The following COL4A4 variants were observed in gnomAD, a reference collection of about 807,000 sequenced individuals.
COL4A4 encodes the protein collagen type IV alpha 4 chain.
In COL4A4, 105 loss-of-function variants were observed where a neutral mutation model predicts 192.9. That is an observed-to-expected ratio of 0.54 (90% CI 0.46 to 0.64). The LOEUF is 0.64. Ranked by LOEUF, COL4A4 falls within the 30% of genes least tolerant of loss-of-function variation. COL4A4 has a pLI of 0.00. For missense variants in COL4A4, 1,967 were observed against 2,169.3 expected, an observed-to-expected ratio of 0.91 and a Z score of 1.85; for synonymous variants, 762 against 769.9, an observed-to-expected ratio of 0.99 and a Z score of 0.17.
chr2:227,129,224 G>C (rs1377731756), intron 4 of COL4A4, among the ~76,000 whole-genome samples: 1 of 152,084 alleles, frequency 6.6e-6, no homozygotes, highest in Non-Finnish European at 1.5e-5. Flanking sequence ...ACCTGAGGCT[G>C]TTCAGTTCTG....
intron 34 of COL4A4, among the ~76,000 whole-genome samples, chr2:227,047,882 C>T (rs932881638): frequency 8.5e-5 from 13 of 152,116 alleles, no homozygotes; most frequent in African/African-American, 3.1e-4. Flanking sequence ...CATTGAGTGG[C>T]TATATCCTTA....
intron 44 of COL4A4, among the ~76,000 whole-genome samples, chr2:227,020,880 C>CTTTTTTGT (rs1553619615): frequency 1.6e-5 from 2 of 127,598 alleles, no homozygotes; most frequent in Non-Finnish European, 3.2e-5. Context: ...ACACTTTTTT[C>CTTTTTTGT]TTTTTTTTTT....
intron 43 of COL4A4, among the ~76,000 whole-genome samples, chr2:227,024,960 C>G (rs985630918): frequency 1.3e-5 from 2 of 152,186 alleles, no homozygotes; most frequent in African/African-American, 4.8e-5. Flanking sequence ...CATACAATCA[C>G]AGAGAGACAG....
the COL4A4 span, among the ~76,000 whole-genome samples, chr2:226,973,064 C>A: frequency 2.4e-4 from 36 of 152,244 alleles, no homozygotes; most frequent in African/African-American, 8.7e-4. Context: ...TGGGTTGTGC[C>A]CTGTGGCTGC....
intron 31 of COL4A4, among the ~76,000 whole-genome samples, chr2:227,053,964 T>C (rs56260773): frequency 0.015 from 2,274 of 152,278 alleles, 65 homozygotes; most frequent in African/African-American, 0.052. Context: ...TCCTTCCTGC[T>C]GCCAGTTTCT....
At chr2:227,050,811 T>G (rs1183016542) in intron 33 of COL4A4, among the ~76,000 whole-genome samples, 166 bp downstream of exon 33, 1 of 152,228 alleles carries the variant, frequency 6.6e-6, no homozygotes, top group African/African-American at 2.4e-5. Flanking sequence ...GTCAGTTTCA[T>G]CGTGGCCTTC....
In COL4A4 at chr2:227,030,451, C is replaced by T; in HGVS notation, c.3965G>A (p.Gly1322Asp). Residue 1322 changes from glycine to aspartate, a missense_variant, in exon 41 of 48, where the codon GGC (glycine) becomes GAC (aspartate). By Grantham distance (94) the Gly-to-Asp change is moderately conservative (BLOSUM62 -1). Coordinates refer to ENST00000396625, the MANE Select transcript of COL4A4 (RefSeq NM_000092.5). ...CGGAACAACATTCATACCTTTCTGGCCATCTTTTCCATCACATCCTGGAAA... is the reference window on the plus strand; with the variant it reads ...CGGAACAACATTCATACCTTTCTGGTCATCTTTTCCATCACATCCTGGAAA... ...KGFPGCDGKDGQKGPVGFPGP... is the reference protein window; with the variant it reads ...KGFPGCDGKDDQKGPVGFPGP... The T allele has an allele frequency of 1.2e-6, 2 of 1,614,136 alleles. No individual in the cohort carries two copies. The highest frequency in any genetic ancestry group is 3.3e-5 in the Admixed American group (2 of 60,010).
In COL4A4 at chr2:227,050,151, A is replaced by C. The variant is rs1040912115; in HGVS notation, c.3151-20T>G. On this transcript the variant is annotated intron_variant, in intron 33 of 47. Coordinates refer to ENST00000396625, the MANE Select transcript of COL4A4 (RefSeq NM_000092.5). Reference sequence around the variant, plus strand: ...CTCACCCTGACAGTTTAATGAAACAAAAGGCCTTAATCAGATTTCAAATAC... The same window carrying C: ...CTCACCCTGACAGTTTAATGAAACACAAGGCCTTAATCAGATTTCAAATAC... 1.9e-6 allele frequency: 3 copies of C among 1,608,144 alleles called. 1 individual carries two copies. In the African/African-American group the frequency reaches 4.0e-5, roughly 21 times the overall value.
chr2:226,995,549 A>G, the COL4A4 span: 75 of 1,455,536 alleles, frequency 5.2e-5, 1 homozygote, highest in South Asian at 8.3e-4. Context: ...GACATGGCCT[A>G]TTCGTGTAAT....
intron 7 of COL4A4, among the ~76,000 whole-genome samples, chr2:227,116,755 G>GC (rs1218330373): frequency 2.0e-5 from 3 of 152,186 alleles, no homozygotes; most frequent in Non-Finnish European, 4.4e-5. Context: ...AAGGATGACA[G>GC]CGTCCTAGGT....
intron 7 of COL4A4, among the ~76,000 whole-genome samples, chr2:227,116,744 A>G (rs1485769391): frequency 6.6e-6 from 1 of 152,206 alleles, no homozygotes; most frequent in African/African-American, 2.4e-5. Context: ...GTTGTGATGA[A>G]AAGGATGACA....
At position 227,088,714 on chromosome 2, in the gene COL4A4, C is replaced by G; in HGVS notation, c.1562G>C (p.Gly521Ala). Residue 521 changes from glycine (G) to alanine (A), a missense_variant, in exon 22 of 48, where the codon GGC becomes GCC. By Grantham distance (60) the Gly-to-Ala change is moderately conservative. Coordinates refer to ENST00000396625, the MANE Select transcript of COL4A4 (RefSeq NM_000092.5). ...TGGGTCACCTTTTGTTCCAAGCCAG[C>G]CAGGGAGCCCCAAGTCTCCCTTACT... ...QGSKGDLGLP[G>A]WLGTKGDPGP... The G allele has an allele frequency of 1.9e-6, 3 of 1,614,150 alleles. No homozygotes were observed. The highest frequency in any genetic ancestry group is 2.5e-6 in the Non-Finnish European group (3 of 1,180,010).
At chr2:227,065,198 A>C (rs1441094873) in intron 25 of COL4A4, among the ~76,000 whole-genome samples, 1 of 152,190 alleles carries the variant, frequency 6.6e-6, no homozygotes. Context: ...AAAACGGCGC[A>C]CCAGGAGATC....
In COL4A4 at chr2:227,010,511, C is replaced by T. The variant is rs920256062; in HGVS notation, c.4334-10G>A. On this transcript the variant is annotated splice_polypyrimidine_tract_variant and intron_variant, in intron 45 of 47. Transcript: ENST00000396625. ...ATGGGACCAGGAGGCCCTGGAGGAACAAAGGAAAAAAATTGAAGGCAGGTT... is the reference window on the plus strand; with the variant it reads ...ATGGGACCAGGAGGCCCTGGAGGAATAAAGGAAAAAAATTGAAGGCAGGTT... 6.5e-7 allele frequency: 1 copy of T among 1,541,756 alleles called. No homozygotes were observed. The highest frequency in any genetic ancestry group is 1.4e-5 in the African/African-American group (1 of 71,822).
At chr2:227,141,968 T>C (rs2063236659) in intron 3 of COL4A4, among the ~76,000 whole-genome samples, 1 of 152,000 alleles carries the variant, frequency 6.6e-6, no homozygotes, top group Non-Finnish European at 1.5e-5. Flanking sequence ...GTCAGCTGAT[T>C]AGATGGCTTG....
At chr2:227,154,414 A>T (rs2064180184) in intron 1 of COL4A4, among the ~76,000 whole-genome samples, 1 of 152,216 alleles carries the variant, frequency 6.6e-6, no homozygotes, top group Non-Finnish European at 1.5e-5. Flanking sequence ...GAAATGTCTA[A>T]GATTGGGGGA....
chr2:227,104,277 G>T (rs956171272), intron 12 of COL4A4: 2 of 503,594 alleles, frequency 4.0e-6, no homozygotes, highest in African/African-American at 2.0e-5. Flanking sequence ...GATTCTTAAT[G>T]CTACTATCCA....
At chr2:227,020,672 G>A (rs893337841) in intron 44 of COL4A4, among the ~76,000 whole-genome samples, 2 of 146,544 alleles carry the variant, frequency 1.4e-5, no homozygotes, top group African/African-American at 2.8e-5. Flanking sequence ...GGGGCAGTGA[G>A]GGGGGGTGAA....
intron 30 of COL4A4, among the ~76,000 whole-genome samples, chr2:227,055,295 T>C (rs1333189855): frequency 6.6e-6 from 1 of 151,596 alleles, no homozygotes; most frequent in Non-Finnish European, 1.5e-5. Flanking sequence ...AGGAGGATCT[T>C]TGAGGCCAGG....
Sources: allele counts gnomAD v4.1 joint callset (sites outside exome capture counted in the v4.1 genomes callset), GRCh38; gene constraint gnomAD v4.1.1; transcripts MANE v1.5; gene names NCBI Gene and HGNC (gene_info 2026-07-23, HGNC 2026-07-21).